The following PRKG1 variants were observed in gnomAD, a reference collection of about 807,000 sequenced individuals.
The protein encoded by PRKG1 is protein kinase cGMP-dependent 1.
In PRKG1, 35 loss-of-function variants were observed where a neutral mutation model predicts 88.1. The observed-to-expected ratio is 0.40, with a 90% CI of 0.30 to 0.53. The LOEUF (loss-of-function observed/expected upper bound fraction) is 0.53. Among genes scored for constraint, PRKG1 ranks in the 20% least tolerant of loss-of-function variants. The pLI, the probability that PRKG1 is intolerant of heterozygous loss-of-function variation, is 0.59. For missense variants in PRKG1, 540 were observed against 839.8 expected, an observed-to-expected ratio of 0.64 and a Z score of 4.41; for synonymous variants, 303 against 292.5, an observed-to-expected ratio of 1.04 and a Z score of -0.37.
chr10:51,159,186 G>A (rs1846297757), intron 2 of PRKG1, among the ~76,000 whole-genome samples: 1 of 151,970 alleles, frequency 6.6e-6, no homozygotes, highest in East Asian at 1.9e-4. Flanking sequence ...AATGAACATT[G>A]ACATTCAAAG....
chr10:51,168,917 C>G (rs982714349), intron 2 of PRKG1, among the ~76,000 whole-genome samples: 2 of 152,072 alleles, frequency 1.3e-5, no homozygotes, highest in African/African-American at 4.8e-5. Flanking sequence ...TGAAAGGTAT[C>G]CTTGATACAT....
chr10:51,811,237 A>G (rs945260823), intron 4 of PRKG1, among the ~76,000 whole-genome samples: 1 of 152,124 alleles, frequency 6.6e-6, no homozygotes, highest in Admixed American at 6.6e-5. Context: ...GTTCCTTTCC[A>G]CAAAGGCAAC....
intron 3 of PRKG1, among the ~76,000 whole-genome samples, chr10:51,772,994 G>T (rs540991833): frequency 5.9e-5 from 9 of 152,024 alleles, no homozygotes; most frequent in Non-Finnish European, 1.2e-4. Flanking sequence ...GAGTGCATCA[G>T]TTAGTAAAAA....
chr10:51,110,700 A>T (rs1401482960), intron 1 of PRKG1, among the ~76,000 whole-genome samples: 1 of 152,106 alleles, frequency 6.6e-6, no homozygotes, highest in African/African-American at 2.4e-5. Context: ...TTTATACAAA[A>T]TTTTGTATAT....
chr10:51,272,505 T>G (rs761164278), intron 2 of PRKG1, among the ~76,000 whole-genome samples: 2 of 116,542 alleles, frequency 1.7e-5, no homozygotes, highest in Non-Finnish European at 3.7e-5. Flanking sequence ...TAAAGTTTTG[T>G]TTTTTTTTTT....
chr10:51,721,177 G>A (rs1842002550), intron 3 of PRKG1, among the ~76,000 whole-genome samples: 1 of 145,496 alleles, frequency 6.9e-6, no homozygotes, highest in East Asian at 2.0e-4. Context: ...TTATGCCACT[G>A]CACTCCAGCC....
intron 1 of PRKG1, among the ~76,000 whole-genome samples, chr10:51,080,309 C>G (rs543386691): frequency 6.6e-6 from 1 of 152,310 alleles, no homozygotes; most frequent in African/African-American, 2.4e-5. Flanking sequence ...TTACCAGCTT[C>G]CTTGCTCTAC....
At chr10:51,934,429 T>A (rs1842761948) in intron 5 of PRKG1, among the ~76,000 whole-genome samples, 1 of 152,202 alleles carries the variant, frequency 6.6e-6, no homozygotes, top group South Asian at 2.1e-4. Context: ...ACTTTTGAAA[T>A]CTATTGAGAA....
intron 4 of PRKG1, among the ~76,000 whole-genome samples, chr10:51,812,440 T>C (rs1188340235): frequency 1.3e-5 from 2 of 152,168 alleles, no homozygotes; most frequent in Non-Finnish European, 2.9e-5. Flanking sequence ...GGGCCCTTTT[T>C]GTTGACCAAT....
At chr10:51,486,449 T>G (rs1028024823) in intron 3 of PRKG1, among the ~76,000 whole-genome samples, 4 of 152,186 alleles carry the variant, frequency 2.6e-5, no homozygotes, top group East Asian at 1.9e-4. Flanking sequence ...ATGTATTAGA[T>G]ATATACAACT....
chr10:52,044,490 A>G (rs987284686), intron 5 of PRKG1, among the ~76,000 whole-genome samples: 3 of 152,156 alleles, frequency 2.0e-5, no homozygotes, highest in Non-Finnish European at 4.4e-5. Flanking sequence ...AATTACTAAG[A>G]ATGATTTGAT....
At chr10:51,206,603 T>G (rs1838068653) in intron 2 of PRKG1, among the ~76,000 whole-genome samples, 1 of 152,134 alleles carries the variant, frequency 6.6e-6, no homozygotes, top group African/African-American at 2.4e-5. Flanking sequence ...GATCACACAT[T>G]GAGCTGTACA....
intron 3 of PRKG1, among the ~76,000 whole-genome samples, chr10:51,470,742 A>T (rs1840027988): frequency 1.3e-5 from 2 of 152,034 alleles, no homozygotes; most frequent in Admixed American, 1.3e-4. Flanking sequence ...GGTTATCAAG[A>T]AGTAGTTTTC....
At chr10:51,742,455 A>G (rs1837459308) in intron 3 of PRKG1, among the ~76,000 whole-genome samples, 1 of 152,212 alleles carries the variant, frequency 6.6e-6, no homozygotes, top group Non-Finnish European at 1.5e-5. Flanking sequence ...TTGAGAGACT[A>G]ACAAAGAGGG....
At chr10:52,283,940 A>T (rs1231704920) in intron 14 of PRKG1, among the ~76,000 whole-genome samples, 1 of 152,020 alleles carries the variant, frequency 6.6e-6, no homozygotes, top group Non-Finnish European at 1.5e-5. Flanking sequence ...AATATTAAAC[A>T]TGACAACTTA....
intron 3 of PRKG1, among the ~76,000 whole-genome samples, chr10:51,771,143 GAA>G (rs1838293877): frequency 6.6e-6 from 1 of 152,088 alleles, no homozygotes; most frequent in Non-Finnish European, 1.5e-5. Context: ...TAGCTGCAAT[GAA>G]AAGTTATGTC....
At chr10:51,783,993 G>C (rs904865579) in intron 3 of PRKG1, among the ~76,000 whole-genome samples, 4 of 152,058 alleles carry the variant, frequency 2.6e-5, no homozygotes, top group Admixed American at 6.6e-5. Flanking sequence ...TTGCCCTCTT[G>C]CCATCTTGGT....
At chr10:52,241,104 A>G (rs1005280438) in intron 9 of PRKG1, among the ~76,000 whole-genome samples, 1 of 152,144 alleles carries the variant, frequency 6.6e-6, no homozygotes, top group Admixed American at 6.5e-5. Context: ...TCTATTTCAA[A>G]CATCCAAGAC....
rs1847513745 is a variant in PRKG1 at position 52,109,791 on chromosome 10, TTA to T, written c.936-24047_936-24046del. ...AAAAAATCTTATCTCAAAAATGACT[TTA>T]TGTGTTAAAAACAATAACAACAATA... On this transcript the variant is annotated intron_variant, in intron 7 of 17. Coordinates refer to ENST00000373980, the MANE Select transcript of PRKG1 (RefSeq NM_006258.4). Among the ~76,000 whole-genome samples the T allele has an allele frequency of 2.0e-5, 3 of 150,610 alleles. No homozygotes were observed. In the South Asian group the frequency reaches 6.2e-4, roughly 31 times the overall value.
Sources: gnomAD v4.1 joint callset for allele counts (sites outside exome capture counted in the v4.1 genomes callset) on GRCh38, gnomAD v4.1.1 for gene constraint, MANE v1.5 for transcripts, NCBI Gene and HGNC (gene_info 2026-07-23, HGNC 2026-07-21) for gene names.